JMJD1C: variants seen among roughly 807,000 people sequenced by gnomAD.
The protein encoded by JMJD1C is jumonji domain-containing protein 1C.
JMJD1C carries 31 observed loss-of-function variants against 245.3 expected under a neutral mutation model. The ratio of observed to expected loss-of-function variants is 0.13; its 90% confidence interval spans 0.09 to 0.17. The LOEUF (loss-of-function observed/expected upper bound fraction) is 0.17. Among genes scored for constraint, JMJD1C ranks in the 10% least tolerant of loss-of-function variants. The probability of loss-of-function intolerance (pLI) is 1.00; values close to 1 mark genes in which losing one functional copy is unlikely to be tolerated. For synonymous variants in JMJD1C, 1,057 were observed against 1,017.4 expected (o/e 1.04, Z -0.74); for missense variants, 2,691 against 3,000.2 (o/e 0.90, Z 2.41).
intron 3 of JMJD1C, among the ~76,000 whole-genome samples, chr10:63,261,446 T>C (rs1008315189): frequency 1.3e-5 from 2 of 151,994 alleles, no homozygotes; most frequent in Non-Finnish European, 2.9e-5. Flanking sequence ...CTGGGAGTGG[T>C]GGTGCACACC....
intron 1 of JMJD1C, among the ~76,000 whole-genome samples, chr10:63,401,986 T>C (rs138739477): frequency 1.3e-4 from 19 of 151,800 alleles, no homozygotes; most frequent in African/African-American, 2.2e-4. Context: ...AATACAAAAT[T>C]AGCCAGGCGT....
chr10:63,227,885 A>T (rs1849497827), intron 3 of JMJD1C, among the ~76,000 whole-genome samples: 1 of 152,232 alleles, frequency 6.6e-6, no homozygotes, highest in Non-Finnish European at 1.5e-5. Flanking sequence ...CGTGAATGTT[A>T]AGTCCACAAG....
intron 1 of JMJD1C, chr10:63,521,639 A>G: frequency 2.4e-6 from 3 of 1,262,224 alleles, no homozygotes; most frequent in Non-Finnish European, 3.1e-6. Context: ...TGGGAAGGGG[A>G]AGGAGCCGAG....
chr10:63,307,907 C>T (rs1276102548), intron 2 of JMJD1C, among the ~76,000 whole-genome samples: 9 of 151,944 alleles, frequency 5.9e-5, no homozygotes, highest in Admixed American at 2.0e-4. Flanking sequence ...CCCAGCACTT[C>T]GGGAAGCTGA....
chr10:63,219,527 T>C (rs1228227080), intron 4 of JMJD1C, among the ~76,000 whole-genome samples: 1 of 152,174 alleles, frequency 6.6e-6, no homozygotes, highest in African/African-American at 2.4e-5. Context: ...AGAACATTCT[T>C]CAAAGGAAAT....
At chr10:63,193,295 G>A (rs1589111570) in intron 15 of JMJD1C, 50 bp downstream of exon 15, 1 of 1,527,278 alleles carries the variant, frequency 6.5e-7, no homozygotes, top group Non-Finnish European at 8.9e-7. Context: ...TATCAAAGTT[G>A]ACTAATTTAA....
chr10:63,387,629 ATTTTTTTTTT>A lies in JMJD1C; in HGVS notation c.169-7157_169-7148del, dbSNP rs71025169. ...AGTCAGAAGAAAAAAGAAAAAAAAA[ATTTTTTTTTT>A]TTTTTTTTTTTTTTGAGACGGAGTC... On this transcript the variant is annotated intron_variant, in intron 1 of 25. Coordinates refer to ENST00000399262, the MANE Select transcript of JMJD1C (RefSeq NM_032776.3). Among the ~76,000 whole-genome samples, 10 of 37,842 alleles carry A rather than the reference ATTTTTTTTTT, an allele frequency of 2.6e-4. 1 individual carries two copies. Among genetic ancestry groups the A allele is most frequent in the African/African-American group, 1.1e-3 (9 of 8,286 alleles). The allele number at this position is 37,842 out of a possible 152,430, so 24.8% of individuals were successfully genotyped here.
intron 24 of JMJD1C, among the ~76,000 whole-genome samples, chr10:63,176,080 A>G (rs1842838737): frequency 6.6e-6 from 1 of 152,228 alleles, no homozygotes; most frequent in African/African-American, 2.4e-5. Flanking sequence ...CAGTATACAA[A>G]TAGAAATCTG....
chr10:63,301,447 T>C (rs1287020628), intron 2 of JMJD1C, among the ~76,000 whole-genome samples: 1 of 152,262 alleles, frequency 6.6e-6, no homozygotes, highest in African/African-American at 2.4e-5. Flanking sequence ...TGCATTCTTA[T>C]GTTTTCTTCC....
At chr10:63,339,893 C>A (rs1943209009) in intron 2 of JMJD1C, among the ~76,000 whole-genome samples, 1 of 152,124 alleles carries the variant, frequency 6.6e-6, no homozygotes, top group African/African-American at 2.4e-5. Flanking sequence ...TTCTAATTAT[C>A]CTTCAGCTGA....
intron 1 of JMJD1C, among the ~76,000 whole-genome samples, chr10:63,428,601 C>T (rs1165036255): frequency 1.3e-5 from 2 of 152,030 alleles, no homozygotes; most frequent in African/African-American, 4.8e-5. Context: ...TATACTGGAA[C>T]AAAACCATTC....
intron 8 of JMJD1C, 48 bp downstream of exon 8, chr10:63,213,425 A>G (rs751212148): frequency 3.9e-6 from 4 of 1,037,048 alleles, no homozygotes; most frequent in East Asian, 2.4e-5. Context: ...GCACCTGTAC[A>G]TGTTCATTAA....
intron 1 of JMJD1C, among the ~76,000 whole-genome samples, chr10:63,407,052 A>G (rs1374642370): frequency 3.3e-5 from 5 of 152,170 alleles, no homozygotes; most frequent in African/African-American, 9.7e-5. Flanking sequence ...GCTGATTAAT[A>G]TGCTAAATTA....
chr10:63,189,161 T>TA lies in JMJD1C; in HGVS notation c.6570+6dup. ...AAGAGTGTTCTTTATCAGCCTAAAA[T>TA]ACACACCTGTCCTTGTTTCCAACAT... On this transcript the variant is annotated splice_region_variant and intron_variant, in intron 18 of 25. Transcript: ENST00000399262. 6.3e-7 allele frequency: 1 copy of TA among 1,596,828 alleles called. No homozygotes were observed. The highest frequency in any genetic ancestry group is 1.7e-4 in the Middle Eastern group (1 of 5,948).
At chr10:63,329,894 T>C (rs996099941) in intron 2 of JMJD1C, among the ~76,000 whole-genome samples, 1 of 152,158 alleles carries the variant, frequency 6.6e-6, no homozygotes, top group Non-Finnish European at 1.5e-5. Context: ...GTCCTGAGCA[T>C]GTTTTTTTGT....
intron 3 of JMJD1C, among the ~76,000 whole-genome samples, chr10:63,253,200 G>GT (rs1410644111): frequency 3.9e-5 from 6 of 152,148 alleles, no homozygotes; most frequent in African/African-American, 1.4e-4. Context: ...TGATACTTGC[G>GT]TAAGGACAGA....
At chr10:63,251,141 G>C (rs764587535) in intron 3 of JMJD1C, among the ~76,000 whole-genome samples, 3 of 152,110 alleles carry the variant, frequency 2.0e-5, no homozygotes, top group Non-Finnish European at 4.4e-5. Flanking sequence ...CATATACAAA[G>C]AGATCTCATA....
chr10:63,216,060 A>G (rs1005691500), intron 5 of JMJD1C, among the ~76,000 whole-genome samples: 1 of 152,190 alleles, frequency 6.6e-6, no homozygotes, highest in Non-Finnish European at 1.5e-5. Context: ...GGTAGACTTT[A>G]GGGAGTAGAA....
chr10:63,389,867 C>T (rs944059411), intron 1 of JMJD1C, among the ~76,000 whole-genome samples: 1 of 152,014 alleles, frequency 6.6e-6, no homozygotes, highest in Admixed American at 6.6e-5. Context: ...TCAAAACATA[C>T]CAAAATCTAG....
Sources: gnomAD v4.1 joint callset for allele counts (sites outside exome capture counted in the v4.1 genomes callset) on GRCh38, gnomAD v4.1.1 for gene constraint, MANE v1.5 for transcripts, NCBI Gene and HGNC (gene_info 2026-07-23, HGNC 2026-07-21) for gene names.